PDE10A: variants seen among roughly 807,000 people sequenced by gnomAD.
PDE10A encodes the protein cAMP and cAMP-inhibited cGMP 3',5'-cyclic phosphodiesterase 10A.
A neutral mutation model predicts 97.7 loss-of-function variants in PDE10A; 39 were observed. That is an observed-to-expected ratio of 0.40 (90% CI 0.31 to 0.52). PDE10A has a LOEUF of 0.52. Among genes scored for constraint, PDE10A ranks in the 20% least tolerant of loss-of-function variants. The probability of loss-of-function intolerance (pLI) is 0.56; values close to 1 mark genes in which losing one functional copy is unlikely to be tolerated. For missense variants in PDE10A, 731 were observed against 1,047.8 expected (o/e 0.70, Z 4.17); for synonymous variants, 371 against 376.8 (o/e 0.98, Z 0.18).
intron 13 of PDE10A, chr6:165,409,751 T>C (rs1447280755): frequency 6.6e-6 from 1 of 152,194 alleles, no homozygotes; most frequent in Non-Finnish European, 1.5e-5. Context: ...ACTGTTGTGA[T>C]GGGGTTTGAA....
intron 1 of PDE10A, among the ~76,000 whole-genome samples, chr6:165,792,628 G>A (rs1411404470): frequency 6.6e-6 from 1 of 152,010 alleles, no homozygotes; most frequent in African/African-American, 2.4e-5. Context: ...TCAGTCCTGG[G>A]TGACTCCTCC....
intron 1 of PDE10A, among the ~76,000 whole-genome samples, chr6:165,814,437 A>T (rs1295818572): frequency 8.4e-6 from 1 of 118,892 alleles, no homozygotes; most frequent in Non-Finnish European, 1.7e-5. Context: ...ATTTTTGGAA[A>T]TTTTTTATCC....
chr6:165,356,474 T>G (rs750075637), intron 18 of PDE10A, among the ~76,000 whole-genome samples: 1 of 152,186 alleles, frequency 6.6e-6, no homozygotes, highest in Non-Finnish European at 1.5e-5. Flanking sequence ...CTGAGAATAT[T>G]TTCTCACATT....
chr6:165,614,787 C>T (rs1051644627), intron 1 of PDE10A, among the ~76,000 whole-genome samples: 6 of 151,748 alleles, frequency 4.0e-5, no homozygotes, highest in African/African-American at 1.5e-4. Flanking sequence ...CTCAGACAGT[C>T]TCACTGACTC....
At chr6:165,548,615 T>C (rs1783856769) in intron 1 of PDE10A, among the ~76,000 whole-genome samples, 1 of 152,156 alleles carries the variant, frequency 6.6e-6, no homozygotes, top group Admixed American at 6.5e-5. Flanking sequence ...CTGGTCAGTG[T>C]TACTGCACAC....
intron 1 of PDE10A, among the ~76,000 whole-genome samples, chr6:165,813,357 G>A (rs1292099242): frequency 7.3e-6 from 1 of 136,222 alleles, no homozygotes; most frequent in East Asian, 1.9e-4. Flanking sequence ...CCCGGAAGGA[G>A]CATTTACTGA....
intron 1 of PDE10A, among the ~76,000 whole-genome samples, chr6:165,697,159 T>C (rs540416049): frequency 7.3e-4 from 111 of 152,098 alleles, no homozygotes; most frequent in African/African-American, 2.6e-3. Flanking sequence ...ATGGTAACCA[T>C]CCAGGAAGCT....
intron 1 of PDE10A, among the ~76,000 whole-genome samples, chr6:165,799,549 G>A (rs947243557): frequency 2.0e-5 from 3 of 151,922 alleles, no homozygotes; most frequent in Non-Finnish European, 2.9e-5. Context: ...ATTGTATCTC[G>A]GGCCATAAGG....
intron 18 of PDE10A, among the ~76,000 whole-genome samples, chr6:165,357,991 T>C (rs1379481517): frequency 2.6e-5 from 4 of 152,148 alleles, no homozygotes; most frequent in African/African-American, 9.6e-5. Context: ...AGCTGCATCC[T>C]ACAGATTTTG....
At chr6:165,943,592 G>A (rs1783659132) in intron 1 of PDE10A, among the ~76,000 whole-genome samples, 2 of 152,164 alleles carry the variant, frequency 1.3e-5, no homozygotes, top group Admixed American at 6.5e-5. Context: ...GTGTTCCAGG[G>A]CCGGAGAAGA....
At chr6:165,637,528 C>T (rs1203385953) in intron 1 of PDE10A, among the ~76,000 whole-genome samples, 1 of 152,210 alleles carries the variant, frequency 6.6e-6, no homozygotes, top group African/African-American at 2.4e-5. Flanking sequence ...AGAAAGACTA[C>T]ACATGCAGTC....
In PDE10A at chr6:165,542,934, T is replaced by C. The variant is rs563577237; in HGVS notation, c.994+506A>G. Among the ~76,000 whole-genome samples, 5 of 152,226 alleles carry C rather than the reference T, an allele frequency of 3.3e-5. No individual in the cohort carries two copies. The South Asian group carries it at 1.0e-3, about 32-fold the overall frequency. On this transcript the variant is annotated intron_variant, in intron 2 of 21. Transcript: ENST00000539869. ...CGCCCAGCCAATATACTTGTTCTTT[T>C]ACTGAAAGTTTACTGACAACAAATC... is the stretch of plus-strand genomic sequence containing the variant.
At chr6:165,722,981 G>C (rs964578182) in intron 1 of PDE10A, among the ~76,000 whole-genome samples, 1 of 151,680 alleles carries the variant, frequency 6.6e-6, no homozygotes, top group East Asian at 1.9e-4. Context: ...CTACGTTTTT[G>C]TTTGGATTGA....
At chr6:165,628,514 C>T (rs1369139886) in intron 1 of PDE10A, among the ~76,000 whole-genome samples, 4 of 152,016 alleles carry the variant, frequency 2.6e-5, no homozygotes, top group African/African-American at 7.2e-5. Context: ...CCACCACACC[C>T]GGCAATTATT....
chr6:165,563,691 G>A (rs914710904), intron 1 of PDE10A, among the ~76,000 whole-genome samples: 1 of 152,020 alleles, frequency 6.6e-6, no homozygotes, highest in Admixed American at 6.6e-5. Flanking sequence ...AGAAGTTTAC[G>A]ACCAGACTGG....
At chr6:165,637,049 T>A (rs921831983) in intron 1 of PDE10A, among the ~76,000 whole-genome samples, 4 of 152,184 alleles carry the variant, frequency 2.6e-5, no homozygotes, top group Non-Finnish European at 5.9e-5. Flanking sequence ...ACACCTATTA[T>A]TTAATTAATT....
chr6:165,563,157 G>GA (rs1262051094), intron 1 of PDE10A, among the ~76,000 whole-genome samples: 3 of 110,592 alleles, frequency 2.7e-5, no homozygotes, highest in Admixed American at 1.2e-4. Context: ...CCGAATACAG[G>GA]AAAAAAAAGA....
At position 165,643,288 on chromosome 6, in the gene PDE10A, T is replaced by C. The variant is rs1480791861; in HGVS notation, c.865+18659A>G. Among the ~76,000 whole-genome samples the C allele has an allele frequency of 4.4e-5, 5 of 114,216 alleles. 1 individual carries two copies. The South Asian group carries it at 1.8e-3, about 42-fold the overall frequency. The allele number at this position is 114,216 out of a possible 152,430, so 74.9% of individuals were successfully genotyped here. A position where few individuals can be genotyped will look rare whatever the true frequency, so the allele number is the denominator to read the frequency against. The stretch of plus-strand genomic sequence containing the variant: ...ATGGAGAGACGAGCAGACAGACAGA[T>C]GAACGGATGGGTGTACAGATGTATG... On this transcript the variant is annotated intron_variant, in intron 1 of 21. Coordinates refer to ENST00000539869, the MANE Select transcript of PDE10A (RefSeq NM_001385079.1).
At chr6:165,913,452 A>C (rs1343068893) in intron 1 of PDE10A, among the ~76,000 whole-genome samples, 1 of 152,240 alleles carries the variant, frequency 6.6e-6, no homozygotes, top group Non-Finnish European at 1.5e-5. Flanking sequence ...AATCATCTCT[A>C]GATTACTTAC....
Sources: allele counts gnomAD v4.1 joint callset (sites outside exome capture counted in the v4.1 genomes callset), GRCh38; gene constraint gnomAD v4.1.1; transcripts MANE v1.5; gene names NCBI Gene and HGNC (gene_info 2026-07-23, HGNC 2026-07-21).